The following ROBO2 variants were observed in gnomAD, a reference collection of about 807,000 sequenced individuals.
The protein encoded by ROBO2 is roundabout homolog 2.
ROBO2 carries 53 observed loss-of-function variants against 160.8 expected under a neutral mutation model. The ratio of observed to expected loss-of-function variants is 0.33; its 90% CI spans 0.26 to 0.41. The LOEUF (loss-of-function observed/expected upper bound fraction) is 0.41. Ranked by LOEUF, ROBO2 falls within the 10% of genes least tolerant of loss-of-function variation. The pLI is 1.00. For synonymous variants in ROBO2, 664 were observed against 611.7 expected, an observed-to-expected ratio of 1.09 and a Z score of -1.26; for missense variants, 1,577 against 1,722.4, an observed-to-expected ratio of 0.92 and a Z score of 1.49.
chr3:76,254,846 CA>C (rs1307560700), intron 2 of ROBO2, among the ~76,000 whole-genome samples: 2 of 151,884 alleles, frequency 1.3e-5, no homozygotes, highest in Admixed American at 1.3e-4. Flanking sequence ...TATAATTTTG[CA>C]AATTATTACC....
At chr3:77,644,389 G>T (rs1355340206) in intron 24 of ROBO2, among the ~76,000 whole-genome samples, 1 of 152,042 alleles carries the variant, frequency 6.6e-6, no homozygotes, top group Non-Finnish European at 1.5e-5. Flanking sequence ...TCTCAGATAT[G>T]CTTTTGTTAA....
chr3:77,267,416 A>G (rs970957088), intron 2 of ROBO2, among the ~76,000 whole-genome samples: 2 of 152,192 alleles, frequency 1.3e-5, no homozygotes, highest in Non-Finnish European at 2.9e-5. Context: ...GAAATGTTTC[A>G]TATTCCCAGG....
At chr3:76,390,978 A>G (rs530724144) in intron 2 of ROBO2, among the ~76,000 whole-genome samples, 2 of 152,306 alleles carry the variant, frequency 1.3e-5, no homozygotes, top group African/African-American at 2.4e-5. Context: ...TGTGGACCAT[A>G]TGGACAAAAA....
intron 2 of ROBO2, among the ~76,000 whole-genome samples, chr3:77,290,435 CCAG>C (rs1467117698): frequency 0.015 from 378 of 25,448 alleles, no homozygotes; most frequent in South Asian, 0.038. Flanking sequence ...CTAGATCACC[CCAG>C]ACATAAAGTA....
At chr3:77,118,183 A>G (rs968876635) in intron 2 of ROBO2, among the ~76,000 whole-genome samples, 2 of 152,196 alleles carry the variant, frequency 1.3e-5, no homozygotes, top group African/African-American at 4.8e-5. Context: ...GGAAACCTTT[A>G]GTAGTTGACT....
chr3:76,638,733 T>A (rs1161067721), intron 2 of ROBO2, among the ~76,000 whole-genome samples: 1 of 152,198 alleles, frequency 6.6e-6, no homozygotes, highest in African/African-American at 2.4e-5. Flanking sequence ...GTAGCCTTTT[T>A]TGTCTGCTAT....
intron 2 of ROBO2, among the ~76,000 whole-genome samples, chr3:77,234,715 T>G (rs2087701565): frequency 6.6e-6 from 1 of 152,218 alleles, no homozygotes; most frequent in Non-Finnish European, 1.5e-5. Context: ...TCATGTAGCA[T>G]TCACTCTTTC....
At chr3:77,309,064 GT>G (rs60708956) in intron 2 of ROBO2, among the ~76,000 whole-genome samples, 10,293 of 145,656 alleles carry the variant, frequency 0.071, 370 homozygotes, top group Middle Eastern at 0.1. Context: ...GCTATTTATT[GT>G]TTTTTTTTTT....
chr3:76,417,798 T>G (rs2075815413), intron 2 of ROBO2, among the ~76,000 whole-genome samples: 1 of 152,150 alleles, frequency 6.6e-6, no homozygotes, highest in Non-Finnish European at 1.5e-5. Context: ...TTTTAAATTT[T>G]ATAGTTGATT....
chr3:77,413,793 C>G (rs2076992027), intron 2 of ROBO2, among the ~76,000 whole-genome samples: 1 of 152,232 alleles, frequency 6.6e-6, no homozygotes, highest in Non-Finnish European at 1.5e-5. Context: ...TTGCCACTTA[C>G]TAAGATGGAA....
chr3:77,641,439 G>T (rs1362717876), intron 24 of ROBO2, among the ~76,000 whole-genome samples: 1 of 152,134 alleles, frequency 6.6e-6, no homozygotes, highest in Non-Finnish European at 1.5e-5. Flanking sequence ...GACTGTTAAG[G>T]AAGCTATCTT....
At chr3:77,538,368 G>A (rs1355063398) in intron 6 of ROBO2, among the ~76,000 whole-genome samples, 2 of 151,616 alleles carry the variant, frequency 1.3e-5, no homozygotes, top group Non-Finnish European at 2.9e-5. Flanking sequence ...TAGTAGAGAC[G>A]GGGTTTCACT....
intron 2 of ROBO2, among the ~76,000 whole-genome samples, chr3:76,886,377 CAGA>C (rs1437914008): frequency 2.0e-5 from 3 of 151,350 alleles, no homozygotes; most frequent in Non-Finnish European, 4.4e-5. Flanking sequence ...TAAATGTTTG[CAGA>C]CTTCAGCCTT....
intron 2 of ROBO2, among the ~76,000 whole-genome samples, chr3:76,750,711 T>C (rs2093970385): frequency 6.6e-6 from 1 of 152,074 alleles, no homozygotes; most frequent in Non-Finnish European, 1.5e-5. Flanking sequence ...TCAAAGAGAA[T>C]AAAATACCTA....
intron 3 of ROBO2, among the ~76,000 whole-genome samples, chr3:77,480,010 G>A (rs2084491817): frequency 6.6e-6 from 1 of 152,116 alleles, no homozygotes; most frequent in Non-Finnish European, 1.5e-5. Context: ...TCAGCTTCAA[G>A]GGGAAGGAGA....
chr3:77,427,913 T>C (rs1270195402), intron 2 of ROBO2, among the ~76,000 whole-genome samples: 1 of 152,214 alleles, frequency 6.6e-6, no homozygotes, highest in African/African-American at 2.4e-5. Flanking sequence ...AAGATTAATT[T>C]TATATTCCGT....
intron 2 of ROBO2, among the ~76,000 whole-genome samples, chr3:76,328,111 A>G (rs1014048766): frequency 4.6e-5 from 7 of 152,334 alleles, no homozygotes; most frequent in Admixed American, 1.3e-4. Flanking sequence ...AACATATACA[A>G]TAGTTCCTTG....
intron 2 of ROBO2, among the ~76,000 whole-genome samples, chr3:76,172,061 A>G (rs2073059848): frequency 6.6e-6 from 1 of 152,080 alleles, no homozygotes; most frequent in Admixed American, 6.6e-5. Flanking sequence ...GCAGGCCCAA[A>G]CCACACAGCA....
chr3:76,806,616 A>G (rs1007839804), intron 2 of ROBO2, among the ~76,000 whole-genome samples: 10 of 152,136 alleles, frequency 6.6e-5, no homozygotes, highest in African/African-American at 2.2e-4. Context: ...GATGCAATCC[A>G]AAACGATTGG....
Sources: allele counts gnomAD v4.1 joint callset (sites outside exome capture counted in the v4.1 genomes callset), GRCh38; gene constraint gnomAD v4.1.1; transcripts MANE v1.5; gene names NCBI Gene and HGNC (gene_info 2026-07-23, HGNC 2026-07-21).